The following ZNF668 variants were observed in gnomAD, a reference collection of about 807,000 sequenced individuals.
The protein encoded by ZNF668 is zinc finger protein 668.
In ZNF668, 10 loss-of-function variants were observed where a neutral mutation model predicts 40.3. That is an observed-to-expected ratio of 0.25 (90% CI 0.15 to 0.42). The LOEUF (loss-of-function observed/expected upper bound fraction) is 0.42. ZNF668 is among the 10% of genes least tolerant of loss of function. ZNF668 has a pLI of 1.00. For synonymous variants in ZNF668, 428 were observed against 384.6 expected, an observed-to-expected ratio of 1.11 and a Z score of -1.32; for missense variants, 749 against 904.6, an observed-to-expected ratio of 0.83 and a Z score of 2.21.
rs1385053406 is a variant in ZNF668, at chr16:31,065,166, C to G, written c.-22-685G>C. The stretch of plus-strand genomic sequence containing the variant: ...GGAGAATCACTCAAGGCAGCCTGAG[C>G]CATTGCTAGCAGCTGGAAGCCTCTT... On this transcript the variant is annotated intron_variant, in intron 1 of 2. Transcript: ENST00000300849. 7.1e-6 allele frequency: 7 copies of G among 989,610 alleles called. No individual in the cohort carries two copies. The East Asian group carries it at 6.6e-4, about 93-fold the overall frequency. The allele number at this position is 989,610 out of a possible 1,614,324, so 61.3% of individuals were successfully genotyped here.
intron 2 of ZNF668, 112 bp from the exon 3 acceptor site, chr16:31,062,392 T>A: frequency 7.0e-7 from 1 of 1,420,516 alleles, no homozygotes; most frequent in Non-Finnish European, 9.3e-7. Flanking sequence ...GGCCTAGGCT[T>A]AATCCCCTAA....
Position 31,061,660 on chromosome 16 carries a change from G to A in ZNF668, c.1268C>T (p.Pro423Leu). 1.2e-6 allele frequency: 2 copies of A among 1,613,122 alleles called. No individual in the cohort carries two copies. The highest frequency in any genetic ancestry group is 1.3e-5 in the African/African-American group (1 of 75,060). The change falls in exon 3 of 3, where the codon CCC becomes CTC. Residue 423 changes from proline (P) to leucine (L), a missense_variant. By Grantham distance (98) the Pro-to-Leu change is moderately conservative. Around this residue, in one of 4 missense-constraint regions of ZNF668, gnomAD observed 310 missense variants for 355.1 expected, o/e 0.87. Coordinates refer to ENST00000300849, the MANE Select transcript of ZNF668 (RefSeq NM_024706.5). The surrounding 1 kb of genome is among the most constrained non-coding windows in gnomAD (Gnocchi z 7.7). ...CCCCACCACCAGCTCCTGTGCAGGGGGCACACCCGCGGCCTCACTGCTTCG... is the reference window on the plus strand; with the variant it reads ...CCCCACCACCAGCTCCTGTGCAGGGAGCACACCCGCGGCCTCACTGCTTCG... The part of the protein sequence containing the change: ...THRSSEAAGV[P>L]PAQELVVGLA...
chr16:31,064,827 AGAACTATGCCAG>A (rs1169519550), intron 1 of ZNF668: 2 of 1,452,598 alleles, frequency 1.4e-6, no homozygotes, highest in African/African-American at 2.8e-5. Flanking sequence ...TCAGTGTCCA[AGAACTATGCCAG>A]GATAAAGAGT....
chr16:31,073,028 G>A (rs1382615319), intron 1 of ZNF668: 2 of 152,180 alleles, frequency 1.3e-5, no homozygotes, highest in East Asian at 3.9e-4. Context: ...AAGGGCGGTG[G>A]GGCCTACGAA....
chr16:31,062,338 G>C (rs2056937975), intron 2 of ZNF668, 58 bp from the exon 3 acceptor site: 1 of 1,526,412 alleles, frequency 6.6e-7, no homozygotes, highest in African/African-American at 1.4e-5. Context: ...TGACCCCACT[G>C]CCTGTCTGGG....
rs2057039978 is a variant in ZNF668 at position 31,073,851 on chromosome 16, C to A, written c.-215G>T. 1 of 152,180 alleles carries A rather than the reference C, an allele frequency of 6.6e-6. No individual in the cohort carries two copies. Among genetic ancestry groups the A allele is most frequent in the South Asian group, 2.1e-4 (1 of 4,830 alleles). The allele number at this position is 152,180 out of a possible 1,614,324, so 9.4% of individuals were successfully genotyped here. A position where few individuals can be genotyped will look rare whatever the true frequency, so the allele number is the denominator to read the frequency against. On this transcript the variant is annotated 5_prime_UTR_variant, in exon 1 of 3. It adds an upstream start codon to the 5' untranslated region. Coordinates refer to ENST00000300849, the MANE Select transcript of ZNF668 (RefSeq NM_024706.5). The stretch of plus-strand genomic sequence containing the variant: ...GGAAAGTTCCCGGGGAACCTCCAGC[C>A]TATGGCGGCAGAGAAGCATCTTGCA...
chr16:31,073,070 CGGA>C (rs1260242896), intron 1 of ZNF668: 1 of 138,278 alleles, frequency 7.2e-6, no homozygotes, highest in Non-Finnish European at 1.6e-5. Flanking sequence ...TGCAGAAACC[CGGA>C]GCTCCTCGCT....
In ZNF668 at chr16:31,061,424, C is replaced by G. The variant is rs760978937; in HGVS notation, c.1504G>C (p.Gly502Arg). 6.2e-7 allele frequency: 1 copy of G among 1,614,008 alleles called. No homozygotes were observed. Among genetic ancestry groups the G allele is most frequent in the East Asian group, 2.2e-5 (1 of 44,882 alleles). ...REAPGPLEGAGEAGGEEADEK... is the reference protein window; with the variant it reads ...REAPGPLEGAREAGGEEADEK... Reference sequence around the variant, plus strand: ...TCAGCCTCCTCACCCCCCGCCTCGCCTGCCCCTTCCAAGGGACCAGGAGCC... The same window carrying G: ...TCAGCCTCCTCACCCCCCGCCTCGCGTGCCCCTTCCAAGGGACCAGGAGCC... Residue 502 changes from glycine to arginine, a missense_variant, in exon 3 of 3, where the codon GGC (glycine) becomes CGC (arginine). Gly to Arg is a moderately radical substitution (Grantham distance 125, BLOSUM62 -2). Coordinates refer to ENST00000300849, the MANE Select transcript of ZNF668 (RefSeq NM_024706.5). This position sits in a 1 kb window ranked among gnomAD's most constrained non-coding sequence, Gnocchi z 7.7.
Position 31,064,601 on chromosome 16 carries a change from C to T in ZNF668, c.-22-120G>A, listed in dbSNP as rs984779039. On this transcript the variant is annotated intron_variant, in intron 1 of 2. Coordinates refer to ENST00000300849, the MANE Select transcript of ZNF668 (RefSeq NM_024706.5). ...GAACCCACACATCCTTCCTGCCCAG[C>T]ATTCCTGGCTCTGACATCCTGCGTT... is the stretch of plus-strand genomic sequence containing the variant. The T allele has an allele frequency of 5.8e-6, 9 of 1,544,318 alleles. No individual in the cohort carries two copies. The East Asian group carries it at 2.2e-4, about 37-fold the overall frequency.
chr16:31,068,658 G>C (rs978229883), intron 1 of ZNF668, among the ~76,000 whole-genome samples: 2 of 151,948 alleles, frequency 1.3e-5, no homozygotes, highest in East Asian at 3.9e-4. Flanking sequence ...TCAGGCTGGA[G>C]TGCAGTGGTG....
At chr16:31,063,138 C>A (rs1439472122) in intron 2 of ZNF668, among the ~76,000 whole-genome samples, 2 of 151,978 alleles carry the variant, frequency 1.3e-5, no homozygotes, top group African/African-American at 2.4e-5. Flanking sequence ...AACAGAAAAC[C>A]AAGATACGTG....
intron 1 of ZNF668, chr16:31,069,394 C>G (rs2056999860): frequency 6.6e-6 from 1 of 152,142 alleles, no homozygotes. Flanking sequence ...AGCTAAATTC[C>G]TTCCCACCTC....
rs1019567396 is a variant in ZNF668, at chr16:31,061,974, C to T, written c.954G>A (p.Arg318=). The change falls in exon 3 of 3, where the codon CGG becomes CGA. Residue 318 remains arginine, a synonymous_variant. Coordinates refer to ENST00000300849, the MANE Select transcript of ZNF668 (RefSeq NM_024706.5). This position sits in a 1 kb window ranked among gnomAD's most constrained non-coding sequence, Gnocchi z 7.7. The part of the protein sequence containing the change: ...YHCEKCGKDF[R]QPADLAMHRR... ...GGTGCATGGCCAGGTCCGCCGGCTGCCGGAAGTCCTTGCCGCACTTCTCGC... is the reference window on the plus strand; with the variant it reads ...GGTGCATGGCCAGGTCCGCCGGCTGTCGGAAGTCCTTGCCGCACTTCTCGC... 8.1e-6 allele frequency: 13 copies of T among 1,613,600 alleles called. No homozygotes were observed. Among genetic ancestry groups the T allele is most frequent in the Non-Finnish European group, 1.0e-5 (12 of 1,179,848 alleles).
rs1312094295 is a variant in ZNF668 at position 31,061,526 on chromosome 16, C to T, written c.1402G>A (p.Gly468Ser). ...GLLGLPPESGGVMATQWQVVG... is the reference protein window; with the variant it reads ...GLLGLPPESGSVMATQWQVVG... ...ACCTGCCACTGTGTGGCCATCACAC[C>T]ACCTGACTCCGGGGGCAGCCCTAGC... The change falls in exon 3 of 3, where the codon GGT (glycine) becomes AGT (serine). Residue 468 changes from glycine (G) to serine (S), a missense_variant. Gly to Ser is a moderately conservative substitution (Grantham distance 56, BLOSUM62 0). This residue lies in a region of ZNF668 where 310 missense variants were observed against 355.1 expected (regional missense o/e 0.87). Coordinates refer to ENST00000300849, the MANE Select transcript of ZNF668 (RefSeq NM_024706.5). This position sits in a 1 kb window ranked among gnomAD's most constrained non-coding sequence, Gnocchi z 7.7. 2 of 1,612,012 alleles carry T rather than the reference C, an allele frequency of 1.2e-6. No homozygotes were observed. Among genetic ancestry groups the T allele is most frequent in the Admixed American group, 3.3e-5 (2 of 60,032 alleles).
intron 1 of ZNF668, chr16:31,073,187 A>G (rs745538958): frequency 6.6e-6 from 1 of 152,430 alleles, no homozygotes; most frequent in African/African-American, 2.4e-5. Context: ...GGACGTGGCA[A>G]GGAGGACTGA....
chr16:31,063,257 C>T (rs1375235185), intron 2 of ZNF668, among the ~76,000 whole-genome samples: 1 of 152,100 alleles, frequency 6.6e-6, no homozygotes. Context: ...CTTATCCTCC[C>T]AAGTACCCGG....
In ZNF668 at chr16:31,061,320, G is replaced by A. The variant is rs763376126; in HGVS notation, c.1608C>T (p.Arg536=). Residue 536 remains arginine, a synonymous_variant, in exon 3 of 3, where the codon CGC becomes CGT. Transcript: ENST00000300849. The surrounding 1 kb of genome is among the most constrained non-coding windows in gnomAD (Gnocchi z 7.7). The stretch of plus-strand genomic sequence containing the variant: ...GGAAGGGCCGGAGCTCCGGGTGTGA[G>A]CGCTCGTGCCGACGCAGCAGCGTCA... ...STMTLLRRHE[R]SHPELRPFPC... is the part of the protein sequence containing the mutation. The A allele has an allele frequency of 3.1e-6, 5 of 1,592,400 alleles. No individual in the cohort carries two copies. Among genetic ancestry groups the A allele is most frequent in the Admixed American group, 1.7e-5 (1 of 58,556 alleles).
At position 31,061,261 on chromosome 16, in the gene ZNF668, C is replaced by G. The variant is rs148738674; in HGVS notation, c.1667G>C (p.Arg556Pro). The change falls in exon 3 of 3, where the codon CGG becomes CCG. Residue 556 changes from arginine (R) to proline (P), a missense_variant. Physicochemically the swap from Arg to Pro is moderately radical, Grantham distance 103. Transcript: ENST00000300849. The surrounding 1 kb of genome is among the most constrained non-coding windows in gnomAD (Gnocchi z 7.7). The part of the protein sequence containing the change: ...CTQCGKSFSD[R>P]AGLRKHSRTH... ...GCGGCTGTGTTTGCGCAGCCCAGCCCGGTCAGAGAAGCTCTTGCCGCACTG... is the reference window on the plus strand; with the variant it reads ...GCGGCTGTGTTTGCGCAGCCCAGCCGGGTCAGAGAAGCTCTTGCCGCACTG... The G allele has an allele frequency of 4.0e-4, 617 of 1,549,140 alleles. No individual in the cohort carries two copies. Among genetic ancestry groups the G allele is most frequent in the Non-Finnish European group, 4.9e-4 (565 of 1,147,666 alleles).
In ZNF668 at chr16:31,064,076, G is replaced by A. The variant is rs1486318468; in HGVS notation, c.384C>T (p.Arg128=). 2.5e-6 allele frequency: 4 copies of A among 1,604,802 alleles called. No homozygotes were observed. Among genetic ancestry groups the A allele is most frequent in the African/African-American group, 1.3e-5 (1 of 74,912 alleles). Residue 128 remains arginine, a synonymous_variant, in exon 2 of 3, where the codon CGC becomes CGT. Coordinates refer to ENST00000300849, the MANE Select transcript of ZNF668 (RefSeq NM_024706.5). Reference sequence around the variant, plus strand: ...CGCCAGCGTGCGAGGCCAGGTGCACGCGCAGGCACACGGGCTGCATGAAGC... The same window carrying A: ...CGCCAGCGTGCGAGGCCAGGTGCACACGCAGGCACACGGGCTGCATGAAGC... ...GRRFMQPVCL[R]VHLASHAGEL...
Sources: allele counts gnomAD v4.1 joint callset (sites outside exome capture counted in the v4.1 genomes callset), GRCh38; gene constraint gnomAD v4.1.1; regional missense constraint gnomAD v4.1.1; non-coding constraint Gnocchi (gnomAD v3.1); transcripts MANE v1.5; gene names NCBI Gene and HGNC (gene_info 2026-07-23, HGNC 2026-07-21).